SMC2: variants seen among roughly 807,000 people sequenced by gnomAD.
SMC2 encodes structural maintenance of chromosomes 2, also known as structural maintenance of chromosomes protein 2.
A neutral mutation model predicts 142.6 loss-of-function variants in SMC2; 41 were observed. The ratio of observed to expected loss-of-function variants is 0.29; its 90% CI spans 0.22 to 0.37. The LOEUF (loss-of-function observed/expected upper bound fraction) is 0.37, where lower values mean the gene tolerates loss of function less well. Among genes scored for constraint, SMC2 ranks in the 10% least tolerant of loss-of-function variants. SMC2 has a pLI of 1.00. For synonymous variants in SMC2, 463 were observed against 457.5 expected, an observed-to-expected ratio of 1.01 and a Z score of -0.15; for missense variants, 1,265 against 1,373.7, an observed-to-expected ratio of 0.92 and a Z score of 1.25.
chr9:104,106,669 A>T (rs1224718042), intron 9 of SMC2, among the ~76,000 whole-genome samples: 1 of 152,150 alleles, frequency 6.6e-6, no homozygotes, highest in African/African-American at 2.4e-5. Context: ...TTGGGATTAC[A>T]GGCATGAACC....
intron 14 of SMC2, 99 bp downstream of exon 14, chr9:104,116,418 C>T: frequency 1.7e-6 from 2 of 1,152,282 alleles, no homozygotes; most frequent in South Asian, 3.3e-5. Flanking sequence ...TATGCAGAAC[C>T]ACAAAATTAA....
chr9:104,095,587 A>T (rs770847060), intron 2 of SMC2, 35 bp downstream of exon 2: 31 of 1,538,846 alleles, frequency 2.0e-5, no homozygotes, highest in Non-Finnish European at 2.5e-5. Context: ...TTTGAATTTA[A>T]GTTGGCAGGA....
chr9:104,139,275 C>T lies in SMC2; in HGVS notation c.3554C>T (p.Ser1185Phe). ...QNGKISKEAK[S>F]KAKPPKGAHV... ...GGAAAGATTTCAAAGGAAGCAAAAT[C>T]CAAGGCAAAACCACCCAAAGGAGCA... Residue 1185 changes from serine (S) to phenylalanine (F), a missense_variant, in exon 25 of 25, where the codon TCC becomes TTC. Transcript: ENST00000374793. The T allele has an allele frequency of 6.2e-7, 1 of 1,601,326 alleles. No individual in the cohort carries two copies. The highest frequency in any genetic ancestry group is 8.5e-7 in the Non-Finnish European group (1 of 1,175,736).
rs780145094 is a variant in SMC2, at chr9:104,111,638, C to T, written c.1078C>T (p.His360Tyr). 14 of 1,614,024 alleles carry T rather than the reference C, an allele frequency of 8.7e-6. No homozygotes were observed. Among genetic ancestry groups the T allele is most frequent in the Non-Finnish European group, 1.2e-5 (14 of 1,179,916 alleles). Residue 360 changes from histidine to tyrosine, a missense_variant, in exon 10 of 25, where the codon CAT becomes TAT. This residue lies in a region of SMC2 where 898 missense variants were observed against 904.2 expected (regional missense o/e 0.99). Coordinates refer to ENST00000374793, the MANE Select transcript of SMC2 (RefSeq NM_006444.3). ...GGTTAAAAAGATAACAGATGGACTG[C>T]ATGCCCTTCAAGAAGCAAGTAATAA... ...KEVKKITDGL[H>Y]ALQEASNKDA...
chr9:104,116,251 A>G lies in SMC2; in HGVS notation c.1723A>G (p.Ile575Val), dbSNP rs375330343. 12 of 1,610,060 alleles carry G rather than the reference A, an allele frequency of 7.5e-6. No homozygotes were observed. Among genetic ancestry groups the G allele is most frequent in the South Asian group, 1.1e-5 (1 of 90,238 alleles). ...GGGGGAACTGAAACGTCGATACACT[A>G]TAATTCCACTCAATAAAATTTCAGC... The part of the protein sequence containing the change: ...ERGELKRRYT[I>V]IPLNKISARC... Residue 575 changes from isoleucine to valine, a missense_variant, in exon 14 of 25, where the codon ATA (isoleucine) becomes GTA (valine). This residue lies in a region of SMC2 where 898 missense variants were observed against 904.2 expected (regional missense o/e 0.99). Coordinates refer to ENST00000374793, the MANE Select transcript of SMC2 (RefSeq NM_006444.3).
intron 15 of SMC2, 80 bp from the exon 16 acceptor site, chr9:104,119,947 A>T: frequency 7.6e-7 from 1 of 1,316,606 alleles, no homozygotes. Context: ...ATTTGAGTAT[A>T]ATTCTCTTAG....
At chr9:104,138,304 T>C (rs918091663) in intron 24 of SMC2, 139 bp downstream of exon 24, 2 of 647,008 alleles carry the variant, frequency 3.1e-6, no homozygotes, top group African/African-American at 1.9e-5. Context: ...TTAAATAGAC[T>C]TATGTTTAAA....
At chr9:104,119,698 A>G (rs139232836) in intron 15 of SMC2, among the ~76,000 whole-genome samples, 4 of 152,158 alleles carry the variant, frequency 2.6e-5, no homozygotes, top group Admixed American at 2.0e-4. Flanking sequence ...ACTGCCTCCT[A>G]AAGTTTACTT....
chr9:104,126,865 T>A, intron 19 of SMC2, 81 bp downstream of exon 19: 1 of 1,331,886 alleles, frequency 7.5e-7, no homozygotes, highest in Non-Finnish European at 1.0e-6. Context: ...TTGACTTTAG[T>A]GTTCTCAGTC....
intron 9 of SMC2, among the ~76,000 whole-genome samples, chr9:104,107,183 A>C (rs1293560051): frequency 1.3e-5 from 2 of 152,210 alleles, no homozygotes; most frequent in African/African-American, 4.8e-5. Flanking sequence ...ATTCATTGAT[A>C]GGGTTTGTAA....
intron 9 of SMC2, among the ~76,000 whole-genome samples, chr9:104,109,538 A>G (rs1227578611): frequency 1.3e-5 from 2 of 152,230 alleles, no homozygotes; most frequent in East Asian, 3.8e-4. Context: ...AAGCTAAAAT[A>G]TAAATTGAAT....
chr9:104,129,135 G>A (rs74402016), intron 20 of SMC2, among the ~76,000 whole-genome samples: 8,635 of 152,202 alleles, frequency 0.057, 659 homozygotes, highest in African/African-American at 0.18. Context: ...TTGCTATACA[G>A]TGTCTTGTTT....
At chr9:104,104,718 C>T (rs1831552571) in intron 9 of SMC2, among the ~76,000 whole-genome samples, 1 of 152,238 alleles carries the variant, frequency 6.6e-6, no homozygotes, top group Non-Finnish European at 1.5e-5. Context: ...TAGGTATCCC[C>T]TCTAGCAAAA....
chr9:104,133,178 T>C (rs1401212017), intron 22 of SMC2, among the ~76,000 whole-genome samples: 2 of 152,156 alleles, frequency 1.3e-5, no homozygotes, highest in Admixed American at 6.6e-5. Flanking sequence ...AGAATTCTCT[T>C]TTATTTCATC....
intron 24 of SMC2, among the ~76,000 whole-genome samples, chr9:104,138,537 A>G (rs1835793198): frequency 6.6e-6 from 1 of 152,124 alleles, no homozygotes; most frequent in African/African-American, 2.4e-5. Context: ...GTGACACTTG[A>G]TGGGGAAATT....
chr9:104,106,492 G>A (rs1369075944), intron 9 of SMC2, among the ~76,000 whole-genome samples: 1 of 152,114 alleles, frequency 6.6e-6, no homozygotes, highest in Non-Finnish European at 1.5e-5. Context: ...CCCCCGGGCT[G>A]AAGCGATTCT....
intron 22 of SMC2, among the ~76,000 whole-genome samples, chr9:104,132,409 T>G (rs1397919150): frequency 6.6e-6 from 1 of 152,172 alleles, no homozygotes; most frequent in Non-Finnish European, 1.5e-5. Flanking sequence ...AATTCCATTT[T>G]GTTTTATGAC....
At position 104,123,037 on chromosome 9, in the gene SMC2, T is replaced by C. The variant is rs1171351911; in HGVS notation, c.2133-71T>C. On this transcript the variant is annotated intron_variant, in intron 16 of 24. Coordinates refer to ENST00000374793, the MANE Select transcript of SMC2 (RefSeq NM_006444.3). Reference sequence around the variant, plus strand: ...TGTGAGTTTATTTAAGGTAAGAATCTGAAGTTTGAATGTATTTCTCAAATA... The same window carrying C: ...TGTGAGTTTATTTAAGGTAAGAATCCGAAGTTTGAATGTATTTCTCAAATA... The C allele has an allele frequency of 6.8e-6, 10 of 1,476,450 alleles. No individual in the cohort carries two copies. In the African/African-American group the frequency reaches 9.9e-5, roughly 15 times the overall value. The allele number at this position is 1,476,450 out of a possible 1,614,324, so 91.5% of individuals were successfully genotyped here.
intron 21 of SMC2, among the ~76,000 whole-genome samples, chr9:104,130,752 A>G (rs971911785): frequency 6.6e-6 from 1 of 152,174 alleles, no homozygotes; most frequent in African/African-American, 2.4e-5. Flanking sequence ...TGTAGAAGGA[A>G]AACTTTGGTC....
Sources: allele counts gnomAD v4.1 joint callset (sites outside exome capture counted in the v4.1 genomes callset), GRCh38; gene constraint gnomAD v4.1.1; regional missense constraint gnomAD v4.1.1; transcripts MANE v1.5; gene names NCBI Gene and HGNC (gene_info 2026-07-23, HGNC 2026-07-21).